The following LAMA2 variants were observed in gnomAD, a reference collection of about 807,000 sequenced individuals.
LAMA2 encodes the protein laminin subunit alpha 2, also known as laminin subunit alpha-2.
Under a neutral mutation model 364.8 loss-of-function variants are expected in LAMA2, and 269 were observed. The observed-to-expected ratio is 0.74, with a 90% CI of 0.67 to 0.82. LAMA2 has a LOEUF of 0.82. Among genes scored for constraint, LAMA2 ranks in the 40% least tolerant of loss-of-function variants. LAMA2 has a pLI of 0.00. For synonymous variants in LAMA2, 1,379 were observed against 1,370.6 expected, an observed-to-expected ratio of 1.01 and a Z score of -0.14; for missense variants, 3,807 against 3,873.2, an observed-to-expected ratio of 0.98 and a Z score of 0.45.
At chr6:129,385,122 A>G (rs1482894382) in intron 35 of LAMA2, among the ~76,000 whole-genome samples, 2 of 98 alleles carry the variant, frequency 0.02, no homozygotes, top group East Asian at 0.12. Context: ...GAGGGAGGAG[A>G]GGGAAGGAAG....
chr6:129,285,384 A>C (rs1382684306), intron 18 of LAMA2, among the ~76,000 whole-genome samples: 1 of 152,116 alleles, frequency 6.6e-6, no homozygotes, highest in Non-Finnish European at 1.5e-5. Context: ...AAAATAAATA[A>C]AAGACAGATG....
chr6:129,381,405 G>A (rs1322217717), intron 34 of LAMA2, among the ~76,000 whole-genome samples: 2 of 151,902 alleles, frequency 1.3e-5, no homozygotes, highest in Non-Finnish European at 2.9e-5. Context: ...GCAGTGGCGT[G>A]ATCTCGGCTC....
At chr6:128,977,716 A>C (rs77880750) in intron 1 of LAMA2, among the ~76,000 whole-genome samples, 2,675 of 152,320 alleles carry the variant, frequency 0.018, 38 homozygotes, top group Middle Eastern at 0.037. Flanking sequence ...GGTTGAGACA[A>C]TAATTTTCTG....
At chr6:128,996,877 A>C (rs1783977280) in intron 1 of LAMA2, among the ~76,000 whole-genome samples, 1 of 152,222 alleles carries the variant, frequency 6.6e-6, no homozygotes. Flanking sequence ...GAACCAACCC[A>C]AATGCCTATC....
At chr6:129,173,001 A>G (rs1013712208) in intron 9 of LAMA2, among the ~76,000 whole-genome samples, 13 of 152,178 alleles carry the variant, frequency 8.5e-5, no homozygotes, top group African/African-American at 1.9e-4. Flanking sequence ...TGCGCTTCCC[A>G]AGTGAGGCAA....
At chr6:129,214,269 A>G (rs1265514786) in intron 12 of LAMA2, among the ~76,000 whole-genome samples, 2 of 152,194 alleles carry the variant, frequency 1.3e-5, no homozygotes, top group African/African-American at 4.8e-5. Flanking sequence ...AAAAGTGGGC[A>G]TGTGCAAAAT....
At chr6:128,962,366 A>G (rs1475524990) in intron 1 of LAMA2, among the ~76,000 whole-genome samples, 1 of 151,462 alleles carries the variant, frequency 6.6e-6, no homozygotes, top group African/African-American at 2.4e-5. Context: ...TCTATTTTTG[A>G]TAGTCTGTGA....
rs112835671 is a variant in LAMA2, at chr6:128,920,398, C to T, written c.112+37041C>T. On this transcript the variant is annotated intron_variant, in intron 1 of 64. Coordinates refer to ENST00000421865, the MANE Select transcript of LAMA2 (RefSeq NM_000426.4). ...GTCTCGATCTCTCGACCTCGCAATT[C>T]GCCCGCCTCAGGCTCCCAAAGTGCT... 5.8e-3 allele frequency among the ~76,000 whole-genome samples: 875 copies of T among 152,042 alleles called. 8 individuals are homozygous for T. Among genetic ancestry groups the T allele is most frequent in the African/African-American group, 0.02 (847 of 41,526 alleles).
At chr6:129,438,887 C>G in intron 42 of LAMA2, 125 bp downstream of exon 42, 1 of 698,604 alleles carries the variant, frequency 1.4e-6, no homozygotes, top group Admixed American at 2.0e-5. Context: ...TACTGTTTTT[C>G]TTACTCATGA....
chr6:129,138,216 A>G (rs1327606616), intron 4 of LAMA2, among the ~76,000 whole-genome samples: 1 of 152,084 alleles, frequency 6.6e-6, no homozygotes, highest in Non-Finnish European at 1.5e-5. Flanking sequence ...TGAAATATAA[A>G]GAGGAAGGCC....
chr6:129,454,015 T>A (rs1315260768), intron 46 of LAMA2, 140 bp from the exon 47 acceptor site: 4 of 400,734 alleles, frequency 1.0e-5, no homozygotes, highest in East Asian at 4.2e-5. Flanking sequence ...ATAAATAATA[T>A]TATTTGACAA....
intron 43 of LAMA2, among the ~76,000 whole-genome samples, chr6:129,441,750 G>A (rs527499253): frequency 6.6e-6 from 1 of 152,060 alleles, no homozygotes; most frequent in Non-Finnish European, 1.5e-5. Flanking sequence ...AGCCTGAGGC[G>A]AGAGGATCAC....
At chr6:128,939,296 C>T (rs1378412728) in intron 1 of LAMA2, among the ~76,000 whole-genome samples, 1 of 151,366 alleles carries the variant, frequency 6.6e-6, no homozygotes, top group East Asian at 1.9e-4. Flanking sequence ...TAATGTATTA[C>T]AGTTTATCCT....
chr6:129,379,213 A>G (rs1384434329), intron 34 of LAMA2, among the ~76,000 whole-genome samples: 1 of 152,114 alleles, frequency 6.6e-6, no homozygotes, highest in Non-Finnish European at 1.5e-5. Flanking sequence ...CAGAGGGCGG[A>G]GGATGGGAAG....
At chr6:129,382,444 C>G (rs1262770005) in intron 34 of LAMA2, among the ~76,000 whole-genome samples, 6 of 152,092 alleles carry the variant, frequency 3.9e-5, no homozygotes, top group African/African-American at 1.4e-4. Context: ...CCTGAGAATA[C>G]TCTTTGGGAG....
Position 128,998,540 on chromosome 6 carries a change from C to T in LAMA2, c.113-51378C>T, listed in dbSNP as rs1274257608. On this transcript the variant is annotated intron_variant, in intron 1 of 64. Transcript: ENST00000421865. Reference sequence around the variant, plus strand: ...CAGTGGGCGCAGGCCAGTGTGTGTGCGCACCGTGCGCGAGCCGAAGCAGGG... The same window carrying T: ...CAGTGGGCGCAGGCCAGTGTGTGTGTGCACCGTGCGCGAGCCGAAGCAGGG... Among the ~76,000 whole-genome samples the T allele has an allele frequency of 2.0e-4, 20 of 102,002 alleles. 2 individuals carry two copies. Among genetic ancestry groups the T allele is most frequent in the East Asian group, 4.1e-4 (2 of 4,836 alleles). The allele number at this position is 102,002 out of a possible 152,430, so 66.9% of individuals were successfully genotyped here.
intron 30 of LAMA2, among the ~76,000 whole-genome samples, chr6:129,348,023 TAA>T (rs1203934482): frequency 1.3e-5 from 2 of 152,276 alleles, no homozygotes; most frequent in Non-Finnish European, 2.9e-5. Flanking sequence ...CATATATGTA[TAA>T]GAGTGTGTGT....
chr6:129,192,541 C>T (rs754186150), intron 11 of LAMA2, 139 bp from the exon 12 acceptor site: 22 of 715,844 alleles, frequency 3.1e-5, no homozygotes, highest in Non-Finnish European at 5.3e-5. Flanking sequence ...TCATAATGCT[C>T]AGGTTTTTTT....
chr6:129,442,983 C>T, intron 43 of LAMA2, 80 bp from the exon 44 acceptor site: 2 of 1,075,846 alleles, frequency 1.9e-6, no homozygotes, highest in Non-Finnish European at 2.8e-6. Flanking sequence ...TTAGTCACTA[C>T]TTTATAATAT....
Sources: allele counts gnomAD v4.1 joint callset (sites outside exome capture counted in the v4.1 genomes callset), GRCh38; gene constraint gnomAD v4.1.1; transcripts MANE v1.5; gene names NCBI Gene and HGNC (gene_info 2026-07-23, HGNC 2026-07-21).